TPRG1: variants seen among roughly 807,000 people sequenced by gnomAD.
TPRG1 encodes tumor protein p63 regulated 1, also known as tumor protein p63-regulated gene 1 protein.
In TPRG1, 29 loss-of-function variants were observed where a neutral mutation model predicts 29.3. The observed-to-expected ratio is 0.99, with a 90% CI of 0.74 to 1.35. TPRG1 has a LOEUF of 1.35. Among genes scored for constraint, TPRG1 ranks in the 40% most tolerant of loss-of-function variants. TPRG1 has a pLI of 0.00. For synonymous variants in TPRG1, 130 were observed against 116.8 expected (o/e 1.11, Z -0.73); for missense variants, 327 against 335.0 (o/e 0.98, Z 0.19).
At chr3:189,244,165 C>T (rs1741034928) in intron 4 of TPRG1, among the ~76,000 whole-genome samples, 1 of 152,116 alleles carries the variant, frequency 6.6e-6, no homozygotes, top group Non-Finnish European at 1.5e-5. Flanking sequence ...TGCAATGGCT[C>T]ACACCTGTAA....
At chr3:189,214,475 G>A (rs191115603) in intron 2 of TPRG1, among the ~76,000 whole-genome samples, 4 of 152,214 alleles carry the variant, frequency 2.6e-5, no homozygotes, top group African/African-American at 9.6e-5. Flanking sequence ...CTCCCCTCCA[G>A]AGTCATCTAT....
chr3:189,067,665 A>T (rs912772464), intron 4 of TPRG1, among the ~76,000 whole-genome samples: 4 of 152,230 alleles, frequency 2.6e-5, no homozygotes, highest in East Asian at 3.8e-4. Flanking sequence ...ATGTAAAAAA[A>T]ATCAAATCAA....
chr3:189,219,735 G>T, intron 3 of TPRG1: 1 of 1,199,820 alleles, frequency 8.3e-7, no homozygotes, highest in South Asian at 1.6e-5. Context: ...CTCCACACAC[G>T]TTAGTGTGAA....
At chr3:189,159,322 C>G (rs1416466564) in intron 5 of TPRG1, among the ~76,000 whole-genome samples, 1 of 152,082 alleles carries the variant, frequency 6.6e-6, no homozygotes, top group Non-Finnish European at 1.5e-5. Flanking sequence ...GAAGGGGTCT[C>G]AGGTGTGTGG....
intron 1 of TPRG1, among the ~76,000 whole-genome samples, chr3:189,173,891 C>T (rs1319913268): frequency 1.3e-5 from 2 of 152,064 alleles, no homozygotes; most frequent in African/African-American, 4.8e-5. Context: ...GGTATCATGC[C>T]CTTTAGAGCA....
rs199941065 is a variant in TPRG1 at position 189,076,942 on chromosome 3, A to ATATATATATATATATATATATG, written c.-462-50115_-462-50114insTATATATATATATATATATATG. The stretch of plus-strand genomic sequence containing the variant: ...TGTGTACATATATATATATATATAT[A>ATATATATATATATATATATATG]GCCAATAAGCACATGAGAAAGTGCT... On this transcript the variant is annotated intron_variant, in intron 4 of 10. Transcript: ENST00000433971. 1.2e-3 allele frequency among the ~76,000 whole-genome samples: 187 copies of ATATATATATATATATATATATG among 151,242 alleles called. 2 individuals are homozygous for ATATATATATATATATATATATG. The highest frequency in any genetic ancestry group is 4.6e-3 in the South Asian group (22 of 4,800).
Position 189,181,232 on chromosome 3 carries a change from T to A in TPRG1, c.-10+9101T>A, listed in dbSNP as rs553737243. ...AGACCTCTGACATGCCCTGGAGACA[T>A]TTTCCCCATTTTCTTGGGGATTAAC... On this transcript the variant is annotated intron_variant, in intron 1 of 5. Coordinates refer to ENST00000345063, the MANE Select transcript of TPRG1 (RefSeq NM_198485.4). Among the ~76,000 whole-genome samples the A allele has an allele frequency of 2.6e-5, 4 of 152,258 alleles. No individual in the cohort carries two copies. The East Asian group carries it at 7.7e-4, about 29-fold the overall frequency.
chr3:189,012,586 G>T (rs1712661054), intron 3 of TPRG1, among the ~76,000 whole-genome samples: 1 of 151,994 alleles, frequency 6.6e-6, no homozygotes, highest in Non-Finnish European at 1.5e-5. Context: ...GCTCTTCTTT[G>T]TACATCTGGT....
At chr3:189,058,704 G>A (rs1715895770) in intron 4 of TPRG1, among the ~76,000 whole-genome samples, 1 of 152,124 alleles carries the variant, frequency 6.6e-6, no homozygotes, top group Non-Finnish European at 1.5e-5. Context: ...GAAAGCAGTG[G>A]GTTGTCTGTG....
intron 1 of TPRG1, among the ~76,000 whole-genome samples, chr3:189,180,047 A>G (rs1730005679): frequency 6.6e-6 from 1 of 152,224 alleles, no homozygotes; most frequent in African/African-American, 2.4e-5. Flanking sequence ...GGACGGCAGC[A>G]TACGAAGAGA....
intron 5 of TPRG1, among the ~76,000 whole-genome samples, chr3:189,159,461 T>G (rs1727155121): frequency 6.6e-6 from 1 of 152,082 alleles, no homozygotes; most frequent in Admixed American, 6.6e-5. Flanking sequence ...GAGAGATGAT[T>G]CTGGAGGAGC....
chr3:189,240,357 C>A (rs1235119490), intron 4 of TPRG1: 1 of 152,022 alleles, frequency 6.6e-6, no homozygotes, highest in Non-Finnish European at 1.5e-5. Flanking sequence ...TGATAGTCAA[C>A]AGTTTCTTGT....
intron 3 of TPRG1, among the ~76,000 whole-genome samples, chr3:189,133,301 T>C (rs1723316862): frequency 6.6e-6 from 1 of 152,074 alleles, no homozygotes; most frequent in Non-Finnish European, 1.5e-5. Flanking sequence ...TATGGGAAGA[T>C]AATAGTGCCA....
At chr3:189,181,745 G>T (rs909324907) in intron 1 of TPRG1, among the ~76,000 whole-genome samples, 1 of 152,128 alleles carries the variant, frequency 6.6e-6, no homozygotes, top group Admixed American at 6.5e-5. Flanking sequence ...CTGTTATCCA[G>T]TTCCAAAGTT....
At chr3:189,066,394 A>C (rs1444167748) in intron 4 of TPRG1, among the ~76,000 whole-genome samples, 1 of 152,156 alleles carries the variant, frequency 6.6e-6, no homozygotes, top group African/African-American at 2.4e-5. Context: ...AATATCGCTA[A>C]TAAACATTGA....
intron 4 of TPRG1, among the ~76,000 whole-genome samples, chr3:189,250,504 G>GCC (rs35490260): frequency 0.022 from 510 of 23,550 alleles, 39 homozygotes; most frequent in Non-Finnish European, 0.028. Context: ...TCTGATTTCC[G>GCC]CCCCCCCCCC....
intron 1 of TPRG1, among the ~76,000 whole-genome samples, chr3:189,193,367 T>A (rs1025368672): frequency 3.3e-5 from 5 of 152,102 alleles, no homozygotes; most frequent in African/African-American, 1.2e-4. Context: ...CTTTTGACAG[T>A]TTGACTACAC....
intron 1 of TPRG1, among the ~76,000 whole-genome samples, chr3:189,185,955 A>T (rs965764675): frequency 6.6e-6 from 1 of 152,170 alleles, no homozygotes; most frequent in African/African-American, 2.4e-5. Context: ...GGATTGTATT[A>T]TACTCCATGA....
intron 4 of TPRG1, among the ~76,000 whole-genome samples, chr3:189,027,709 A>G (rs1713735221): frequency 6.6e-6 from 1 of 152,176 alleles, no homozygotes; most frequent in Admixed American, 6.5e-5. Flanking sequence ...TGAATTATGC[A>G]AAATCCCCAA....
Sources: allele counts gnomAD v4.1 joint callset (sites outside exome capture counted in the v4.1 genomes callset), GRCh38; gene constraint gnomAD v4.1.1; transcripts MANE v1.5; gene names NCBI Gene and HGNC (gene_info 2026-07-23, HGNC 2026-07-21).